Variants in ANKS1B observed in about 807,000 individuals in gnomAD.
The protein encoded by ANKS1B is ankyrin repeat and sterile alpha motif domain containing 1B, also known as ankyrin repeat and sterile alpha motif domain-containing protein 1B.
A neutral mutation model predicts 148.3 loss-of-function variants in ANKS1B; 36 were observed. The ratio of observed to expected loss-of-function variants is 0.24; its 90% confidence interval spans 0.19 to 0.32. The LOEUF (loss-of-function observed/expected upper bound fraction) is 0.32. Among genes scored for constraint, ANKS1B ranks in the 10% least tolerant of loss-of-function variants. The pLI is 1.00. For missense variants in ANKS1B, 1,157 were observed against 1,542.6 expected (o/e 0.75, Z 4.19); for synonymous variants, 542 against 560.8 (o/e 0.97, Z 0.47).
At chr12:99,657,319 T>C (rs969900626) in intron 8 of ANKS1B, among the ~76,000 whole-genome samples, 4 of 152,178 alleles carry the variant, frequency 2.6e-5, no homozygotes, top group Admixed American at 2.0e-4. Context: ...CCCTCACCAC[T>C]ACATTCTGTG....
At chr12:99,731,460 TTTAA>T (rs952339169) in intron 8 of ANKS1B, among the ~76,000 whole-genome samples, 2 of 119,132 alleles carry the variant, frequency 1.7e-5, no homozygotes, top group African/African-American at 6.4e-5. Context: ...GTGTGTGTGT[TTTAA>T]TTATCTTCAC....
chr12:99,632,742 T>A (rs1196713614), intron 9 of ANKS1B, among the ~76,000 whole-genome samples: 1 of 71,038 alleles, frequency 1.4e-5, no homozygotes, highest in African/African-American at 4.8e-5. Flanking sequence ...TATATATATA[T>A]ATATATATAT....
intron 1 of ANKS1B, among the ~76,000 whole-genome samples, chr12:99,901,781 C>T (rs1278934748): frequency 6.6e-6 from 1 of 151,624 alleles, no homozygotes; most frequent in Non-Finnish European, 1.5e-5. Flanking sequence ...ACAACATTCC[C>T]TTCTTATGGA....
rs1049249047 is a variant in ANKS1B, at chr12:99,062,936, C to T, written c.2626-9627G>A. 1.1e-4 allele frequency among the ~76,000 whole-genome samples: 16 copies of T among 152,200 alleles called. 1 individual carries two copies. The highest frequency in any genetic ancestry group is 4.2e-4 in the South Asian group (2 of 4,814). The stretch of plus-strand genomic sequence containing the variant: ...GTGAATACTCTGTGTTAAAACAGTG[C>T]GAGTGTTTGGAAGCTACATGGTTTA... On this transcript the variant is annotated intron_variant, in intron 16 of 26. Transcript: ENST00000683438.
intron 14 of ANKS1B, among the ~76,000 whole-genome samples, chr12:99,199,765 T>A (rs1002955432): frequency 2.0e-5 from 3 of 152,160 alleles, no homozygotes; most frequent in Non-Finnish European, 4.4e-5. Flanking sequence ...CTGCCATCCT[T>A]CAGCTATGAT....
chr12:98,836,916 A>C (rs1038897898), intron 17 of ANKS1B, among the ~76,000 whole-genome samples: 2 of 152,254 alleles, frequency 1.3e-5, no homozygotes, highest in Non-Finnish European at 2.9e-5. Flanking sequence ...GTCTATGAAC[A>C]GAGCTTACAA....
chr12:98,926,279 T>C (rs1026501612), intron 17 of ANKS1B, among the ~76,000 whole-genome samples: 7 of 152,132 alleles, frequency 4.6e-5, no homozygotes, highest in African/African-American at 1.7e-4. Flanking sequence ...CATTAGGTAA[T>C]TGGTAAGCTA....
chr12:99,408,299 A>T (rs1385373353), intron 11 of ANKS1B, among the ~76,000 whole-genome samples: 2 of 145,954 alleles, frequency 1.4e-5, no homozygotes, highest in Non-Finnish European at 3.0e-5. Flanking sequence ...ATCCATAAGC[A>T]GAAGAACGAA....
rs184155576 is a variant in ANKS1B, at chr12:99,335,063, C to T, written c.1756+64568G>A. Among the ~76,000 whole-genome samples the T allele has an allele frequency of 4.4e-3, 669 of 152,240 alleles. 6 individuals are homozygous for T. Among genetic ancestry groups the T allele is most frequent in the African/African-American group, 0.015 (623 of 41,578 alleles). On this transcript the variant is annotated intron_variant, in intron 12 of 26. Transcript: ENST00000683438. ...CGCGATGGTCTTGCAATTTTGTAAA[C>T]TCATAGAGCAGATGTTATATTTATT...
chr12:99,182,403 G>A (rs1305862718), intron 14 of ANKS1B, among the ~76,000 whole-genome samples: 1 of 152,146 alleles, frequency 6.6e-6, no homozygotes, highest in Non-Finnish European at 1.5e-5. Context: ...ACAAATAAGT[G>A]AGAACATGCA....
intron 12 of ANKS1B, among the ~76,000 whole-genome samples, chr12:99,394,473 C>T (rs1481571210): frequency 6.6e-6 from 1 of 152,174 alleles, no homozygotes; most frequent in Non-Finnish European, 1.5e-5. Context: ...AAAACCACCA[C>T]ATGAGGCTCT....
intron 17 of ANKS1B, among the ~76,000 whole-genome samples, chr12:98,958,080 C>G (rs953057494): frequency 1.3e-5 from 2 of 152,196 alleles, no homozygotes; most frequent in Admixed American, 1.3e-4. Flanking sequence ...AACCAGTGAG[C>G]TTTACGCTCA....
intron 15 of ANKS1B, among the ~76,000 whole-genome samples, chr12:99,107,796 G>T (rs2059535738): frequency 6.6e-6 from 1 of 152,174 alleles, no homozygotes; most frequent in African/African-American, 2.4e-5. Flanking sequence ...ATTCCTGCAA[G>T]AAGTACTCCC....
intron 9 of ANKS1B, among the ~76,000 whole-genome samples, chr12:99,558,174 G>A (rs2097297210): frequency 6.6e-6 from 1 of 152,144 alleles, no homozygotes; most frequent in African/African-American, 2.4e-5. Flanking sequence ...CACATGATGG[G>A]GTCAGTGGGA....
chr12:99,626,575 T>C (rs976384482), intron 9 of ANKS1B, among the ~76,000 whole-genome samples: 1 of 152,168 alleles, frequency 6.6e-6, no homozygotes, highest in African/African-American at 2.4e-5. Context: ...GTTCTCTCCC[T>C]GAGACCATAT....
At chr12:99,222,387 G>A (rs1271910153) in intron 14 of ANKS1B, among the ~76,000 whole-genome samples, 1 of 152,202 alleles carries the variant, frequency 6.6e-6, no homozygotes, top group East Asian at 1.9e-4. Flanking sequence ...GCCAAGGCAG[G>A]TGGATCTCCT....
chr12:99,983,750 A>G (rs774959813), intron 1 of ANKS1B, among the ~76,000 whole-genome samples: 1 of 152,312 alleles, frequency 6.6e-6, no homozygotes, highest in African/African-American at 2.4e-5. Context: ...AACTAGACAA[A>G]AAAGGCTGCG....
intron 17 of ANKS1B, among the ~76,000 whole-genome samples, chr12:98,879,660 G>T (rs567507965): frequency 6.6e-6 from 1 of 151,482 alleles, no homozygotes; most frequent in Admixed American, 6.6e-5. Context: ...AGAAACCTTC[G>T]TTGAAAATTC....
chr12:99,560,201 T>C (rs561566559), intron 9 of ANKS1B, among the ~76,000 whole-genome samples: 1 of 152,278 alleles, frequency 6.6e-6, no homozygotes, highest in Middle Eastern at 3.4e-3. Context: ...AAAGTTATGG[T>C]GAGTTCTAGT....
Sources: gnomAD v4.1 joint callset for allele counts (sites outside exome capture counted in the v4.1 genomes callset) on GRCh38, gnomAD v4.1.1 for gene constraint, MANE v1.5 for transcripts, NCBI Gene and HGNC (gene_info 2026-07-23, HGNC 2026-07-21) for gene names.